Variants in NKAIN2 observed in about 807,000 individuals in gnomAD.
The protein encoded by NKAIN2 is sodium/potassium-transporting ATPase subunit beta-1-interacting protein 2.
A neutral mutation model predicts 32.6 loss-of-function variants in NKAIN2; 14 were observed. The observed-to-expected ratio is 0.43, with a 90% CI of 0.28 to 0.67. The LOEUF is 0.67. Ranked by LOEUF, NKAIN2 falls within the 30% of genes least tolerant of loss-of-function variation. The pLI is 0.17. For synonymous variants in NKAIN2, 80 were observed against 87.2 expected (o/e 0.92, Z 0.46); for missense variants, 198 against 258.3 (o/e 0.77, Z 1.60).
At chr6:124,658,619 C>T in intron 4 of NKAIN2, 1 of 1,029,042 alleles carries the variant, frequency 9.7e-7, no homozygotes, top group Non-Finnish European at 1.4e-6. Flanking sequence ...CAGCATTTTA[C>T]ATAGGAAATC....
At chr6:123,962,373 T>A (rs1777885624) in intron 1 of NKAIN2, among the ~76,000 whole-genome samples, 1 of 152,182 alleles carries the variant, frequency 6.6e-6, no homozygotes, top group African/African-American at 2.4e-5. Context: ...ACTATCATCA[T>A]TTCAAAGATG....
At chr6:124,189,500 A>G (rs1789911075) in intron 1 of NKAIN2, among the ~76,000 whole-genome samples, 1 of 152,058 alleles carries the variant, frequency 6.6e-6, no homozygotes, top group East Asian at 1.9e-4. Flanking sequence ...GGAGTTCGAG[A>G]CTATCCTGCT....
At chr6:124,775,296 T>G (rs962751589) in intron 4 of NKAIN2, among the ~76,000 whole-genome samples, 3 of 152,200 alleles carry the variant, frequency 2.0e-5, no homozygotes, top group Non-Finnish European at 4.4e-5. Context: ...GGAGGCCGAT[T>G]GGGCCAAGCC....
At chr6:124,355,130 C>T in intron 2 of NKAIN2, 137 bp from the exon 3 acceptor site, 1 of 584,520 alleles carries the variant, frequency 1.7e-6, no homozygotes, top group Non-Finnish European at 3.1e-6. Context: ...TACATCTAAT[C>T]CTGTTCCTTA....
At chr6:123,930,630 T>C (rs766914774) in intron 1 of NKAIN2, among the ~76,000 whole-genome samples, 1 of 152,186 alleles carries the variant, frequency 6.6e-6, no homozygotes, top group Non-Finnish European at 1.5e-5. Context: ...GATACACAAT[T>C]TAATAGTATA....
intron 1 of NKAIN2, among the ~76,000 whole-genome samples, chr6:123,947,760 A>G (rs542098068): frequency 6.6e-6 from 1 of 152,298 alleles, no homozygotes; most frequent in Admixed American, 6.5e-5. Flanking sequence ...TGCTGGGAAC[A>G]TTTCAAGTCC....
chr6:124,722,725 A>T (rs1046807323), intron 4 of NKAIN2, among the ~76,000 whole-genome samples: 1 of 152,164 alleles, frequency 6.6e-6, no homozygotes, highest in African/African-American at 2.4e-5. Flanking sequence ...CCCTGGGGAA[A>T]GGGGGACCCC....
intron 1 of NKAIN2, among the ~76,000 whole-genome samples, chr6:124,077,373 G>C (rs1275822733): frequency 6.6e-6 from 1 of 152,110 alleles, no homozygotes; most frequent in East Asian, 1.9e-4. Context: ...TGCTCTGTAT[G>C]AGCTGCTGTT....
chr6:124,707,279 T>G (rs1402469801), intron 4 of NKAIN2, among the ~76,000 whole-genome samples: 1 of 152,138 alleles, frequency 6.6e-6, no homozygotes, highest in Non-Finnish European at 1.5e-5. Flanking sequence ...TTTGCTACTG[T>G]GAATACTGCC....
intron 4 of NKAIN2, among the ~76,000 whole-genome samples, chr6:124,710,574 C>T (rs1185937139): frequency 5.3e-5 from 8 of 151,944 alleles, no homozygotes; most frequent in Admixed American, 3.9e-4. Flanking sequence ...GATCCCTTTA[C>T]CATTATGTAA....
chr6:123,857,062 T>C (rs1350602407), intron 1 of NKAIN2, among the ~76,000 whole-genome samples: 1 of 152,142 alleles, frequency 6.6e-6, no homozygotes, highest in Non-Finnish European at 1.5e-5. Context: ...TCTTAATCTT[T>C]TATTTATTTT....
intron 4 of NKAIN2, among the ~76,000 whole-genome samples, chr6:124,693,004 G>T (rs1486909398): frequency 6.6e-6 from 1 of 152,142 alleles, no homozygotes; most frequent in Non-Finnish European, 1.5e-5. Flanking sequence ...CAATGCAGAT[G>T]TTAAAGAAAC....
intron 1 of NKAIN2, among the ~76,000 whole-genome samples, chr6:124,248,334 G>A (rs1317052826): frequency 1.3e-5 from 2 of 151,958 alleles, no homozygotes; most frequent in African/African-American, 4.8e-5. Flanking sequence ...GTGGCTTATA[G>A]CGATTGTACA....
intron 2 of NKAIN2, among the ~76,000 whole-genome samples, chr6:124,344,407 A>T (rs374908253): frequency 6.6e-6 from 1 of 151,718 alleles, no homozygotes; most frequent in African/African-American, 2.4e-5. Context: ...CATTGAATCT[A>T]TAAATTACCT....
At chr6:124,205,899 T>C (rs1261634387) in intron 1 of NKAIN2, among the ~76,000 whole-genome samples, 1 of 151,936 alleles carries the variant, frequency 6.6e-6, no homozygotes, top group African/African-American at 2.4e-5. Context: ...AACAACAGGT[T>C]TACTGTTATC....
chr6:124,486,351 T>A (rs1400357983), intron 3 of NKAIN2, among the ~76,000 whole-genome samples: 1 of 152,162 alleles, frequency 6.6e-6, no homozygotes, highest in African/African-American at 2.4e-5. Flanking sequence ...ACAAAGCCCT[T>A]CGATAGAAAA....
At chr6:124,408,303 T>G (rs1157654138) in intron 3 of NKAIN2, among the ~76,000 whole-genome samples, 2 of 152,196 alleles carry the variant, frequency 1.3e-5, no homozygotes, top group African/African-American at 4.8e-5. Flanking sequence ...TTGTCTAGGT[T>G]TTCTTCTAGG....
intron 1 of NKAIN2, among the ~76,000 whole-genome samples, chr6:124,281,554 T>G (rs1795298805): frequency 6.6e-6 from 1 of 152,194 alleles, no homozygotes; most frequent in Non-Finnish European, 1.5e-5. Context: ...GTATCATGGC[T>G]TTAGCACAGG....
In NKAIN2 at chr6:123,812,751, A is replaced by G. The variant is rs114337191; in HGVS notation, c.54+8497A>G. On this transcript the variant is annotated intron_variant, in intron 1 of 6. Transcript: ENST00000368417. ...GCCTTAGGCGGGGGAGTGGTGAAGA[A>G]TCCTCATACTGACTTTTGTTTTTTA... Among the ~76,000 whole-genome samples the G allele has an allele frequency of 5.2e-3, 792 of 152,308 alleles. 5 individuals are homozygous for G. Among genetic ancestry groups the G allele is most frequent in the East Asian group, 0.016 (85 of 5,184 alleles).
Sources: allele counts gnomAD v4.1 joint callset (sites outside exome capture counted in the v4.1 genomes callset), GRCh38; gene constraint gnomAD v4.1.1; transcripts MANE v1.5; gene names NCBI Gene and HGNC (gene_info 2026-07-23, HGNC 2026-07-21).